Variants in CLTRN observed in about 807,000 individuals in gnomAD.
CLTRN encodes collectrin, amino acid transport regulator.
Under a neutral mutation model 14.5 loss-of-function variants are expected in CLTRN, and 12 were observed. The ratio of observed to expected loss-of-function variants is 0.83; its 90% CI spans 0.53 to 1.34. CLTRN has a LOEUF of 1.34. Among genes scored for constraint, CLTRN ranks in the 40% most tolerant of loss-of-function variants. The pLI is 0.00. For missense variants in CLTRN, 154 were observed against 165.1 expected (o/e 0.93, Z 0.37); for synonymous variants, 58 against 56.5 (o/e 1.03, Z -0.12).
At chrX:15,660,192 T>C (rs1392125887) in intron 2 of CLTRN, among the ~76,000 whole-genome samples, 2 of 111,866 alleles carry the variant, frequency 1.8e-5, no homozygotes, top group Non-Finnish European at 3.8e-5. Flanking sequence ...GCAGGGAGGA[T>C]AGTAAGTAAA....
chrX:15,633,339 A>T (rs1928744847), intron 5 of CLTRN, among the ~76,000 whole-genome samples: 1 of 112,230 alleles, frequency 8.9e-6, no homozygotes, highest in Non-Finnish European at 1.9e-5. Context: ...CGTTTTAACC[A>T]CTCAGCCACG....
chrX:15,673,126 G>C (rs1443033156), intron 1 of CLTRN, among the ~76,000 whole-genome samples: 1 of 112,486 alleles, frequency 8.9e-6, no homozygotes, highest in Non-Finnish European at 1.9e-5. Flanking sequence ...ATGAGGAACT[G>C]GGATTTGCCT....
At chrX:15,675,282 G>A (rs1929815232), upstream of CLTRN, among the ~76,000 whole-genome samples, 1 of 112,235 alleles carries the variant, frequency 8.9e-6, no homozygotes, top group East Asian at 2.8e-4. Context: ...GACTAGTTGT[G>A]ACTGGATGAT....
upstream of CLTRN, among the ~76,000 whole-genome samples, chrX:15,665,855 G>A (rs919876008): frequency 1.8e-5 from 2 of 111,982 alleles, no homozygotes; most frequent in Non-Finnish European, 3.8e-5. Context: ...AGGCTCCAGC[G>A]TTGAAGTCAT....
At chrX:15,645,322 G>A (rs944087618) in intron 3 of CLTRN, among the ~76,000 whole-genome samples, 1 of 111,331 alleles carries the variant, frequency 9.0e-6, no homozygotes, top group Middle Eastern at 4.2e-3. Flanking sequence ...ACCGGTTGGT[G>A]ACAGCCCCCG....
intron 5 of CLTRN, among the ~76,000 whole-genome samples, chrX:15,634,360 C>A (rs1355281215): frequency 1.8e-5 from 2 of 111,007 alleles, no homozygotes; most frequent in Non-Finnish European, 3.8e-5. Context: ...CTAACAAATG[C>A]CAGAGCCTGA....
chrX:15,671,864 ACACACACACACACACACAC>A lies in CLTRN; in HGVS notation c.-506+3106_-506+3124del, dbSNP rs1205345554. On this transcript the variant is annotated intron_variant, in intron 1 of 6. Coordinates refer to the CLTRN transcript ENST00000650271. ...TGCGCGCACACACACACACACACAC[ACACACACACACACACACAC>A]AATTTCCAGTATCCTTGGTAAGCAA... is the stretch of plus-strand genomic sequence containing the variant. 6.5e-5 allele frequency among the ~76,000 whole-genome samples: 6 copies of A among 92,217 alleles called. No homozygotes were observed. The East Asian group carries it at 1.2e-3, about 18-fold the overall frequency. The allele number at this position is 92,217 out of a possible 115,157, so 80.1% of individuals were successfully genotyped here.
chrX:15,661,816 T>C (rs1457477230), intron 2 of CLTRN, among the ~76,000 whole-genome samples: 1 of 112,658 alleles, frequency 8.9e-6, no homozygotes, highest in African/African-American at 3.2e-5. Flanking sequence ...CACATCTTTA[T>C]ATGCCACGTG....
chrX:15,674,678 C>T (rs982102792), intron 1 of CLTRN, among the ~76,000 whole-genome samples: 1 of 112,849 alleles, frequency 8.9e-6, no homozygotes, highest in Non-Finnish European at 1.9e-5. Flanking sequence ...CATCTGGTTC[C>T]AGGACCTGGA....
intron 2 of CLTRN, among the ~76,000 whole-genome samples, chrX:15,660,641 CAAA>C (rs766646397): frequency 1.2e-5 from 1 of 86,092 alleles, no homozygotes. Flanking sequence ...CCATCTCTAC[CAAA>C]AAAAAAAAAA....
chrX:15,632,856 C>G (rs1177276506), intron 5 of CLTRN, among the ~76,000 whole-genome samples: 1 of 91,428 alleles, frequency 1.1e-5, no homozygotes, highest in Non-Finnish European at 2.1e-5. Context: ...TGCACTCCAG[C>G]CTGGGTGACA....
chrX:15,653,212 G>A (rs760900401), intron 3 of CLTRN, among the ~76,000 whole-genome samples: 46 of 111,462 alleles, frequency 4.1e-4, no homozygotes, highest in Non-Finnish European at 6.0e-4. Flanking sequence ...AAATTCTTGT[G>A]GTTTGGGTTG....
chrX:15,628,070 G>T lies in CLTRN; in HGVS notation c.570C>A (p.Ile190=). 8.7e-7 allele frequency: 1 copy of T among 1,149,010 alleles called. No individual in the cohort carries two copies. Among genetic ancestry groups the T allele is most frequent in the Non-Finnish European group, 1.2e-6 (1 of 861,178 alleles). The allele number at this position is 1,149,010 out of a possible 1,213,427, so 94.7% of individuals were successfully genotyped here. ...DDAEDKCENM[I]TIENGIPSDP... is the part of the protein sequence containing the mutation. ...CAGAGGGGATGCCATTTTCAATTGT[G>T]ATCATGTTTTCACACTTATCTTCAG... The change falls in exon 6 of 6, where the codon ATC becomes ATA. Residue 190 remains isoleucine, a synonymous_variant. Transcript: ENST00000380342.
At chrX:15,656,885 T>G (rs931011676) in intron 3 of CLTRN, among the ~76,000 whole-genome samples, 1 of 111,365 alleles carries the variant, frequency 9.0e-6, no homozygotes, top group African/African-American at 3.3e-5. Flanking sequence ...GCAGTTTTGA[T>G]TTTTACAACT....
intron 5 of CLTRN, among the ~76,000 whole-genome samples, chrX:15,632,077 C>G (rs898999191): frequency 1.8e-5 from 2 of 111,458 alleles, no homozygotes; most frequent in African/African-American, 6.5e-5. Flanking sequence ...GATTAAAATT[C>G]CTGGAACGAG....
At chrX:15,654,104 C>A (rs1408937847) in intron 3 of CLTRN, among the ~76,000 whole-genome samples, 1 of 112,090 alleles carries the variant, frequency 8.9e-6, no homozygotes, top group Non-Finnish European at 1.9e-5. Context: ...AAGAATCTGG[C>A]TCTTGTTTCT....
intron 1 of CLTRN, among the ~76,000 whole-genome samples, chrX:15,674,358 A>G (rs1441861162): frequency 8.9e-6 from 1 of 111,811 alleles, no homozygotes; most frequent in Non-Finnish European, 1.9e-5. Context: ...TGCCTAGGAA[A>G]AGTCATCAGG....
chrX:15,663,331 A>T (rs1929551539), intron 2 of CLTRN, among the ~76,000 whole-genome samples: 1 of 112,308 alleles, frequency 8.9e-6, no homozygotes. Flanking sequence ...GAGACAGTGT[A>T]TTCTGCACTC....
At chrX:15,664,674 T>C in intron 1 of CLTRN, 44 bp downstream of exon 1, 1 of 1,078,737 alleles carries the variant, frequency 9.3e-7, no homozygotes, top group Non-Finnish European at 1.3e-6. Context: ...TTGTCAAACA[T>C]GTAGAAAACT....
Sources: allele counts gnomAD v4.1 joint callset (sites outside exome capture counted in the v4.1 genomes callset), GRCh38; gene constraint gnomAD v4.1.1; transcripts MANE v1.5; gene names NCBI Gene and HGNC (gene_info 2026-07-23, HGNC 2026-07-21).